The following FMNL2 variants were observed in gnomAD, a reference collection of about 807,000 sequenced individuals.
FMNL2 encodes formin like 2.
FMNL2 carries 51 observed loss-of-function variants against 130.2 expected under a neutral mutation model. The ratio of observed to expected loss-of-function variants is 0.39; its 90% confidence interval spans 0.31 to 0.49. The LOEUF is 0.49. Ranked by LOEUF, FMNL2 falls within the 20% of genes least tolerant of loss-of-function variation. The pLI is 0.85. For synonymous variants in FMNL2, 465 were observed against 467.1 expected, an observed-to-expected ratio of 1.00 and a Z score of 0.06; for missense variants, 977 against 1,316.2, an observed-to-expected ratio of 0.74 and a Z score of 3.99.
At chr2:152,340,688 T>G (rs539567627) in intron 1 of FMNL2, among the ~76,000 whole-genome samples, 13 of 152,226 alleles carry the variant, frequency 8.5e-5, no homozygotes, top group East Asian at 3.9e-4. Context: ...AGTTGTTGTT[T>G]TTTTTGTTTG....
intron 4 of FMNL2, among the ~76,000 whole-genome samples, chr2:152,554,172 A>G (rs111286336): frequency 6.6e-6 from 1 of 152,324 alleles, no homozygotes; most frequent in African/African-American, 2.4e-5. Context: ...TTGGAAGGCC[A>G]AGGTGGGCAG....
chr2:152,645,593 G>C, intron 25 of FMNL2: 1 of 1,038,696 alleles, frequency 9.6e-7, no homozygotes, highest in Non-Finnish European at 1.3e-6. Context: ...TTCAATCTAT[G>C]GCTGAGGGTA....
At chr2:152,619,973 A>G (rs966017105) in intron 15 of FMNL2, among the ~76,000 whole-genome samples, 4 of 152,030 alleles carry the variant, frequency 2.6e-5, no homozygotes, top group Admixed American at 6.6e-5. Context: ...CCTGCCTTCC[A>G]CTGGCCCCAC....
At chr2:152,472,071 A>G (rs1293613170) in intron 1 of FMNL2, among the ~76,000 whole-genome samples, 2 of 152,232 alleles carry the variant, frequency 1.3e-5, no homozygotes, top group Non-Finnish European at 2.9e-5. Context: ...TGATGGCATA[A>G]CAGAAGTGTT....
At chr2:152,389,963 C>T in intron 1 of FMNL2, 5 of 1,342,422 alleles carry the variant, frequency 3.7e-6, no homozygotes, top group Non-Finnish European at 5.3e-6. Flanking sequence ...ACCTCGGGGC[C>T]CCAGATAAAG....
At chr2:152,426,522 C>T (rs748890826) in intron 1 of FMNL2, among the ~76,000 whole-genome samples, 17 of 152,194 alleles carry the variant, frequency 1.1e-4, no homozygotes, top group Non-Finnish European at 1.9e-4. Context: ...CACTTTGTCA[C>T]GTCACAAGAT....
chr2:152,496,906 T>A (rs1315025905), intron 1 of FMNL2, among the ~76,000 whole-genome samples: 1 of 127,498 alleles, frequency 7.8e-6, no homozygotes, highest in Non-Finnish European at 1.6e-5. Flanking sequence ...TTATCTTGGA[T>A]TTTTTTTTTT....
chr2:152,482,475 T>C (rs1405946358), intron 1 of FMNL2, among the ~76,000 whole-genome samples: 1 of 152,232 alleles, frequency 6.6e-6, no homozygotes, highest in Non-Finnish European at 1.5e-5. Context: ...CTTGCTCTTC[T>C]AGGATCCTCA....
chr2:152,619,549 G>GCCCCC lies in FMNL2; in HGVS notation c.1670_1671insCCCCC (p.Pro559ArgfsTer31). 7.2e-7 allele frequency: 1 copy of GCCCCC among 1,395,016 alleles called. No individual in the cohort carries two copies. The highest frequency in any genetic ancestry group is 9.3e-7 in the Non-Finnish European group (1 of 1,075,860). The allele number at this position is 1,395,016 out of a possible 1,614,324, so 86.4% of individuals were successfully genotyped here. A position where few individuals can be genotyped will look rare whatever the true frequency, so the allele number is the denominator to read the frequency against. ...TAACACCACCTATGCCACCGCCGCC[G>GCCCCC]CCGCCCCCTCCTCCACCTCCTCCTC... On this transcript the variant is annotated frameshift_variant, in exon 15 of 26. Coordinates refer to ENST00000288670, the MANE Select transcript of FMNL2 (RefSeq NM_052905.4). LOFTEE classifies it high-confidence loss of function.
chr2:152,648,066 C>A lies in FMNL2; in HGVS notation c.*161C>A. The A allele has an allele frequency of 1.6e-6, 1 of 618,288 alleles. No homozygotes were observed. 38.3% of individuals were successfully genotyped at this position (618,288 alleles called of 1,614,324 possible). A position where few individuals can be genotyped will look rare whatever the true frequency, so the allele number is the denominator to read the frequency against. On this transcript the variant is annotated 3_prime_UTR_variant, in exon 26 of 26. Transcript: ENST00000288670. The stretch of plus-strand genomic sequence containing the variant: ...AGAATTTTAAAATGAGCTCTCCTTT[C>A]AACCCTTGTTAACAAGTGCCTAAAA...
At chr2:152,485,073 T>A (rs184437211) in intron 1 of FMNL2, among the ~76,000 whole-genome samples, 4 of 152,190 alleles carry the variant, frequency 2.6e-5, no homozygotes, top group Non-Finnish European at 5.9e-5. Context: ...AAAAATATTC[T>A]GGGGCTGGGC....
chr2:152,537,038 ACT>A (rs1694028587), intron 2 of FMNL2, among the ~76,000 whole-genome samples: 1 of 150,534 alleles, frequency 6.6e-6, no homozygotes, highest in African/African-American at 2.4e-5. Context: ...TCAATGACAA[ACT>A]CTATTAGATT....
chr2:152,610,500 C>T (rs568463104), intron 10 of FMNL2, among the ~76,000 whole-genome samples: 13 of 152,320 alleles, frequency 8.5e-5, no homozygotes, highest in African/African-American at 3.1e-4. Flanking sequence ...AACCTGCTTT[C>T]TATCTCAATA....
At chr2:152,634,582 C>T (rs948324472) in intron 21 of FMNL2, among the ~76,000 whole-genome samples, 34 of 152,158 alleles carry the variant, frequency 2.2e-4, no homozygotes, top group African/African-American at 7.5e-4. Flanking sequence ...AAGCATTTTC[C>T]GCATCCTGCT....
chr2:152,418,780 A>G (rs1019458891), intron 1 of FMNL2, among the ~76,000 whole-genome samples: 4 of 152,134 alleles, frequency 2.6e-5, no homozygotes, highest in Non-Finnish European at 4.4e-5. Flanking sequence ...GGTTACAAGT[A>G]TCTGTTTAAG....
chr2:152,602,850 C>T (rs1234720014), intron 9 of FMNL2, among the ~76,000 whole-genome samples: 1 of 152,154 alleles, frequency 6.6e-6, no homozygotes, highest in Non-Finnish European at 1.5e-5. Flanking sequence ...TGTCTCGTTC[C>T]TTTCATCCTC....
At chr2:152,507,338 T>C (rs1212605353) in intron 1 of FMNL2, among the ~76,000 whole-genome samples, 1 of 152,246 alleles carries the variant, frequency 6.6e-6, no homozygotes, top group African/African-American at 2.4e-5. Context: ...ACTAAGATGC[T>C]CCAGCACTTT....
At chr2:152,537,306 C>T (rs1694044698) in intron 2 of FMNL2, among the ~76,000 whole-genome samples, 1 of 152,154 alleles carries the variant, frequency 6.6e-6, no homozygotes, top group African/African-American at 2.4e-5. Context: ...TAAGTGGAGT[C>T]CAATAAGTGT....
At chr2:152,383,614 A>G (rs1392683953) in intron 1 of FMNL2, among the ~76,000 whole-genome samples, 1 of 152,176 alleles carries the variant, frequency 6.6e-6, no homozygotes, top group East Asian at 1.9e-4. Flanking sequence ...GCTGCTATTA[A>G]TAATGGCATA....
Sources: allele counts gnomAD v4.1 joint callset (sites outside exome capture counted in the v4.1 genomes callset), GRCh38; gene constraint gnomAD v4.1.1; transcripts MANE v1.5; gene names NCBI Gene and HGNC (gene_info 2026-07-23, HGNC 2026-07-21).